The following COL15A1 variants were observed in gnomAD, a reference collection of about 807,000 sequenced individuals.
COL15A1 encodes collagen type XV alpha 1 chain, also known as collagen alpha-1(XV) chain.
COL15A1 carries 111 observed loss-of-function variants against 165.9 expected under a neutral mutation model. The ratio of observed to expected loss-of-function variants is 0.67; its 90% CI spans 0.57 to 0.78. The LOEUF (loss-of-function observed/expected upper bound fraction) is 0.78, where lower values mean the gene tolerates loss of function less well. Among genes scored for constraint, COL15A1 ranks in the 30% least tolerant of loss-of-function variants. The probability of loss-of-function intolerance (pLI) is 0.00; values close to 1 mark genes in which losing one functional copy is unlikely to be tolerated. For synonymous variants in COL15A1, 659 were observed against 674.8 expected (o/e 0.98, Z 0.36); for missense variants, 1,745 against 1,789.7 (o/e 0.98, Z 0.45).
At chr9:98,966,991 CAT>C (rs1221026720) in intron 2 of COL15A1, among the ~76,000 whole-genome samples, 3 of 152,196 alleles carry the variant, frequency 2.0e-5, no homozygotes, top group South Asian at 2.1e-4. Flanking sequence ...CATTCATGCA[CAT>C]GTGTATTATT....
At chr9:98,981,405 C>T (rs763055897) in intron 2 of COL15A1, among the ~76,000 whole-genome samples, 17 of 151,842 alleles carry the variant, frequency 1.1e-4, no homozygotes, top group Admixed American at 2.0e-4. Context: ...TGCAGTGAGC[C>T]GAGATTGTGC....
At chr9:99,038,199 T>C (rs1839337878) in intron 21 of COL15A1, among the ~76,000 whole-genome samples, 1 of 152,150 alleles carries the variant, frequency 6.6e-6, no homozygotes, top group African/African-American at 2.4e-5. Flanking sequence ...GAAGTGTAAA[T>C]TGGCCCCTTT....
chr9:98,987,187 C>A, intron 3 of COL15A1, 107 bp from the exon 4 acceptor site: 1 of 1,079,742 alleles, frequency 9.3e-7, no homozygotes, highest in Non-Finnish European at 1.4e-6. Context: ...ATCCTCATTC[C>A]CACGCTTTTA....
At chr9:98,962,676 T>C (rs747675289) in intron 2 of COL15A1, among the ~76,000 whole-genome samples, 4 of 152,192 alleles carry the variant, frequency 2.6e-5, no homozygotes, top group Non-Finnish European at 5.9e-5. Flanking sequence ...GCAGAGATGA[T>C]GTTATATACA....
intron 31 of COL15A1, 26 bp downstream of exon 31, chr9:99,052,459 G>A (rs1253420443): frequency 3.8e-6 from 6 of 1,560,378 alleles, no homozygotes; most frequent in East Asian, 2.2e-5. Flanking sequence ...TTCATCATTT[G>A]TTTCTCTGGG....
At chr9:99,024,812 A>G (rs1211758476) in intron 14 of COL15A1, 62 bp from the exon 15 acceptor site, 2 of 1,557,890 alleles carry the variant, frequency 1.3e-6, no homozygotes, top group Non-Finnish European at 8.7e-7. Flanking sequence ...TGCATGAAGC[A>G]CATACTCAGT....
At position 99,040,554 on chromosome 9, in the gene COL15A1, C is replaced by T. The variant is rs963932681; in HGVS notation, c.2509C>T (p.Pro837Ser). The change falls in exon 23 of 42, where the codon CCA becomes TCA. Residue 837 changes from proline to serine, a missense_variant and splice_region_variant. Physicochemically the swap from Pro to Ser is moderately conservative, Grantham distance 74. Coordinates refer to ENST00000375001, the MANE Select transcript of COL15A1 (RefSeq NM_001855.5). ...PDGLPGLPGF[P>S]GPRGPKGDTG... Reference sequence around the variant, plus strand: ...CGGGTTGCCTGGGCTGCCAGGATTTCCAGTAAGTACCACCCTCGCTGTCTT... The same window carrying T: ...CGGGTTGCCTGGGCTGCCAGGATTTTCAGTAAGTACCACCCTCGCTGTCTT... 6.2e-7 allele frequency: 1 copy of T among 1,614,068 alleles called. No homozygotes were observed. The highest frequency in any genetic ancestry group is 8.5e-7 in the Non-Finnish European group (1 of 1,180,042).
chr9:98,959,773 G>A (rs1308840343), intron 2 of COL15A1, among the ~76,000 whole-genome samples: 2 of 152,138 alleles, frequency 1.3e-5, no homozygotes, highest in Non-Finnish European at 2.9e-5. Flanking sequence ...GCTTCTCACT[G>A]TGAGTCAGAG....
chr9:99,016,186 G>A, intron 11 of COL15A1, 67 bp downstream of exon 11: 1 of 1,504,308 alleles, frequency 6.6e-7, no homozygotes, highest in Non-Finnish European at 8.9e-7. Flanking sequence ...AAAGGCCAGA[G>A]TTGTGGGAAG....
rs114708397 is a variant in COL15A1 at position 98,963,138 on chromosome 9, C to T, written c.100+18888C>T. ...GCTCAGGTTCAAGATTTCCAAGAAT[C>T]ACTCTTTGGAGGCAGCCTTCCACCC... is the stretch of plus-strand genomic sequence containing the variant. On this transcript the variant is annotated intron_variant, in intron 2 of 41. Transcript: ENST00000375001. Among the ~76,000 whole-genome samples, 670 of 152,316 alleles carry T rather than the reference C, an allele frequency of 4.4e-3. 1 individual carries two copies. Among genetic ancestry groups the T allele is most frequent in the African/African-American group, 0.016 (646 of 41,562 alleles).
intron 2 of COL15A1, among the ~76,000 whole-genome samples, chr9:98,955,621 G>A (rs1327936893): frequency 6.6e-6 from 1 of 152,240 alleles, no homozygotes; most frequent in Non-Finnish European, 1.5e-5. Flanking sequence ...CTAGAGCAGG[G>A]TGAGAGTAGG....
At chr9:99,019,621 A>C (rs1188824628) in intron 11 of COL15A1, among the ~76,000 whole-genome samples, 1 of 151,280 alleles carries the variant, frequency 6.6e-6, no homozygotes, top group African/African-American at 2.4e-5. Flanking sequence ...TGAATCTCAG[A>C]GTCACCATGA....
rs58415241 is a variant in COL15A1 at position 99,060,226 on chromosome 9, A to C, written c.3402+273A>C. ...ATAACAAGAACCAATCATATTACTT[A>C]TATATTTTTATATATATATATATAT... On this transcript the variant is annotated intron_variant, in intron 36 of 41. Coordinates refer to ENST00000375001, the MANE Select transcript of COL15A1 (RefSeq NM_001855.5). 3.4e-3 allele frequency among the ~76,000 whole-genome samples: 427 copies of C among 125,316 alleles called. 4 individuals are homozygous for C. Among genetic ancestry groups the C allele is most frequent in the African/African-American group, 0.013 (401 of 30,474 alleles). The allele number at this position is 125,316 out of a possible 152,430, so 82.2% of individuals were successfully genotyped here.
At chr9:98,947,454 T>G (rs898645476) in intron 2 of COL15A1, among the ~76,000 whole-genome samples, 8 of 152,184 alleles carry the variant, frequency 5.3e-5, no homozygotes, top group African/African-American at 1.9e-4. Flanking sequence ...GTTGTGCAAC[T>G]CTATAAATTT....
chr9:98,944,339 C>T, intron 2 of COL15A1, 89 bp downstream of exon 2: 1 of 1,280,870 alleles, frequency 7.8e-7, no homozygotes, highest in South Asian at 1.3e-5. Flanking sequence ...GCGATGCGTG[C>T]CTCATTCCTG....
intron 2 of COL15A1, among the ~76,000 whole-genome samples, chr9:98,967,391 C>A (rs908127423): frequency 1.3e-5 from 2 of 152,236 alleles, no homozygotes; most frequent in Admixed American, 6.5e-5. Flanking sequence ...TCCTGACAGG[C>A]CTTGACCCAG....
intron 16 of COL15A1, among the ~76,000 whole-genome samples, chr9:99,026,237 C>T (rs1256114121): frequency 2.0e-5 from 3 of 152,214 alleles, no homozygotes; most frequent in Admixed American, 2.0e-4. Context: ...ATGGAATCTT[C>T]TCTAACTCCT....
intron 9 of COL15A1, among the ~76,000 whole-genome samples, chr9:99,014,924 A>T (rs1363663435): frequency 6.6e-6 from 1 of 152,238 alleles, no homozygotes; most frequent in East Asian, 1.9e-4. Flanking sequence ...AAAGGAAGCA[A>T]TCAGATATGC....
chr9:99,023,205 T>C, intron 13 of COL15A1, 152 bp from the exon 14 acceptor site: 1 of 914,684 alleles, frequency 1.1e-6, no homozygotes, highest in Non-Finnish European at 1.5e-6. Context: ...TAGAGGGGAG[T>C]GGGAGAAAAG....
Sources: gnomAD v4.1 joint callset for allele counts (sites outside exome capture counted in the v4.1 genomes callset) on GRCh38, gnomAD v4.1.1 for gene constraint, MANE v1.5 for transcripts, NCBI Gene and HGNC (gene_info 2026-07-23, HGNC 2026-07-21) for gene names.